The following PVALEF variants were observed in gnomAD, a reference collection of about 807,000 sequenced individuals.
PVALEF encodes parvalbumin-like EF-hand-containing protein.
PVALEF carries 2 observed loss-of-function variants against 1.2 expected under a neutral mutation model. The ratio of observed to expected loss-of-function variants is 1.68; its 90% CI spans 0.69 to 5.28. The LOEUF (loss-of-function observed/expected upper bound fraction) is 5.28. Among genes scored for constraint, PVALEF ranks in the 30% most tolerant of loss-of-function variants. The pLI is 0.06. For synonymous variants in PVALEF, 16 were observed against 6.5 expected (o/e 2.47, Z -2.24); for missense variants, 35 against 17.7 (o/e 1.97, Z -1.75).
intron 3 of PVALEF, among the ~76,000 whole-genome samples, chr17:81,179,822 G>A (rs1000730818): frequency 6.6e-6 from 1 of 152,194 alleles, no homozygotes; most frequent in African/African-American, 2.4e-5. Context: ...GGGGCGGTGT[G>A]TGGTCTGAGG....
chr17:81,178,213 C>T (rs1489582753), intron 2 of PVALEF, among the ~76,000 whole-genome samples: 2 of 152,196 alleles, frequency 1.3e-5, no homozygotes. Flanking sequence ...ACAATACCCT[C>T]CCACCTCCAA....
At chr17:81,172,262 C>A in intron 2 of PVALEF, among the ~76,000 whole-genome samples, 1 of 152,154 alleles carries the variant, frequency 6.6e-6, no homozygotes, top group Non-Finnish European at 1.5e-5. Context: ...TGGGAGCACC[C>A]GGGACAACCC....
At position 81,166,814 on chromosome 17, in the gene PVALEF, C is replaced by G. The variant is rs943677008; in HGVS notation, c.-370C>G. The G allele has an allele frequency of 2.2e-6, 1 of 454,176 alleles. No homozygotes were observed. Among genetic ancestry groups the G allele is most frequent in the African/African-American group, 2.0e-5 (1 of 50,008 alleles). 28.1% of individuals were successfully genotyped at this position (454,176 alleles called of 1,614,324 possible). ...CGACAGCCATGAAGGAAGAACCTGG[C>G]TGAGTCTCCACCTGCCGTGGACTGT... On this transcript the variant is annotated 5_prime_UTR_variant, in exon 2 of 7. Coordinates refer to ENST00000637878, the MANE Select transcript of PVALEF (RefSeq NM_001354639.2).
At chr17:81,172,701 T>A (rs1598248128) in intron 2 of PVALEF, among the ~76,000 whole-genome samples, 1 of 150,528 alleles carries the variant, frequency 6.6e-6, no homozygotes, top group African/African-American at 2.4e-5. Context: ...GAGGTGGAGG[T>A]TGCAGTGAGC....
chr17:81,175,500 A>G (rs2061533598), intron 2 of PVALEF, among the ~76,000 whole-genome samples: 1 of 152,236 alleles, frequency 6.6e-6, no homozygotes, highest in Non-Finnish European at 1.5e-5. Context: ...AAAGAAGAAC[A>G]AAGCTGGAAG....
At position 81,166,682 on chromosome 17, in the gene PVALEF, G is replaced by C. The variant is rs987004105; in HGVS notation, c.-502G>C. The stretch of plus-strand genomic sequence containing the variant: ...GGCCCTCGCCTCACTTGCAGGTTTC[G>C]AGGCGGCTGGCAGCCGCCCCCCCAC... On this transcript the variant is annotated 5_prime_UTR_variant, in exon 2 of 7. Transcript: ENST00000637878. The C allele has an allele frequency of 2.2e-5, 10 of 453,764 alleles. 1 individual carries two copies. The highest frequency in any genetic ancestry group is 9.3e-5 in the South Asian group (6 of 64,416). 28.1% of individuals were successfully genotyped at this position (453,764 alleles called of 1,614,324 possible).
chr17:81,179,117 C>A lies in PVALEF; in HGVS notation c.-140C>A, dbSNP rs2146449827. 2 of 417,900 alleles carry A rather than the reference C, an allele frequency of 4.8e-6. No individual in the cohort carries two copies. The highest frequency in any genetic ancestry group is 1.7e-5 in the South Asian group (1 of 60,012). 25.9% of individuals were successfully genotyped at this position (417,900 alleles called of 1,614,324 possible). A position where few individuals can be genotyped will look rare whatever the true frequency, so the allele number is the denominator to read the frequency against. On this transcript the variant is annotated 5_prime_UTR_variant, in exon 3 of 7. Coordinates refer to ENST00000637878, the MANE Select transcript of PVALEF (RefSeq NM_001354639.2). The stretch of plus-strand genomic sequence containing the variant: ...GGGCCTCTCCACACCCCAGCCTGAC[C>A]CACCTTCCAGAACTCTCGAAAGAAG...
intron 2 of PVALEF, among the ~76,000 whole-genome samples, chr17:81,169,178 G>T (rs1026685949): frequency 1.3e-5 from 2 of 152,214 alleles, no homozygotes; most frequent in African/African-American, 4.8e-5. Context: ...TTCCTGGGGG[G>T]AGGAAACTTC....
chr17:81,180,933 T>A (rs890742563), intron 3 of PVALEF, among the ~76,000 whole-genome samples, 190 bp from the exon 4 acceptor site: 5 of 152,030 alleles, frequency 3.3e-5, no homozygotes, highest in Admixed American at 1.3e-4. Flanking sequence ...CAACCCCCCC[T>A]GGGGACGGCA....
chr17:81,182,097 C>G lies in PVALEF; in HGVS notation c.358+16C>G, dbSNP rs1344496467. On this transcript the variant is annotated intron_variant, in intron 6 of 6. Coordinates refer to ENST00000637878, the MANE Select transcript of PVALEF (RefSeq NM_001354639.2). ...AACTACGAAGGTGGGGGCAGCACAG[C>G]CGGGGCACCCTCAGGACCCTCCTTC... 7.5e-6 allele frequency: 3 copies of G among 398,610 alleles called. No individual in the cohort carries two copies. The Admixed American group carries it at 1.3e-4, about 18-fold the overall frequency. The allele number at this position is 398,610 out of a possible 1,614,324, so 24.7% of individuals were successfully genotyped here. A position where few individuals can be genotyped will look rare whatever the true frequency, so the allele number is the denominator to read the frequency against.
At chr17:81,172,943 G>T (rs777191013) in intron 2 of PVALEF, among the ~76,000 whole-genome samples, 1 of 152,058 alleles carries the variant, frequency 6.6e-6, no homozygotes, top group African/African-American at 2.4e-5. Context: ...AAACCCGCAC[G>T]AAGGAAAACC....
rs112868925 is a variant in PVALEF, at chr17:81,178,363, C to T, written c.-339-555C>T. 8.9e-3 allele frequency among the ~76,000 whole-genome samples: 1,353 copies of T among 152,230 alleles called. 22 individuals carry two copies. The highest frequency in any genetic ancestry group is 0.031 in the African/African-American group (1,292 of 41,500). ...GGCCTGCGGTGCCCAGCATGACCAC[C>T]CCACAGGGGCAGGGCTGTTGGCACC... On this transcript the variant is annotated intron_variant, in intron 2 of 6. Transcript: ENST00000637878.
At chr17:81,169,249 T>C (rs2061509609) in intron 2 of PVALEF, among the ~76,000 whole-genome samples, 1 of 152,212 alleles carries the variant, frequency 6.6e-6, no homozygotes, top group African/African-American at 2.4e-5. Flanking sequence ...CACTAAGCTG[T>C]ACCCTTTAAA....
chr17:81,168,752 C>G (rs1227564824), intron 2 of PVALEF, among the ~76,000 whole-genome samples: 2 of 152,106 alleles, frequency 1.3e-5, no homozygotes, highest in Non-Finnish European at 2.9e-5. Flanking sequence ...CAGCAGGAAG[C>G]CCAGGTGTGG....
At chr17:81,180,815 C>T (rs904744628) in intron 3 of PVALEF, among the ~76,000 whole-genome samples, 3 of 152,134 alleles carry the variant, frequency 2.0e-5, no homozygotes, top group Non-Finnish European at 2.9e-5. Flanking sequence ...GCAGCAAGAG[C>T]GTTCCAGAAG....
chr17:81,170,743 C>T (rs185003878), intron 2 of PVALEF, among the ~76,000 whole-genome samples: 2 of 152,196 alleles, frequency 1.3e-5, no homozygotes, highest in African/African-American at 2.4e-5. Flanking sequence ...ACAGTAGGCA[C>T]TGCAGAGCCC....
At chr17:81,176,513 A>C (rs1159384442) in intron 2 of PVALEF, among the ~76,000 whole-genome samples, 1 of 151,890 alleles carries the variant, frequency 6.6e-6, no homozygotes, top group South Asian at 2.1e-4. Context: ...GCAAATCTCC[A>C]TCTCAAAACA....
At chr17:81,175,225 G>A (rs955007812) in intron 2 of PVALEF, among the ~76,000 whole-genome samples, 2 of 152,162 alleles carry the variant, frequency 1.3e-5, no homozygotes, top group African/African-American at 4.8e-5. Flanking sequence ...CCAAGGAGGT[G>A]AAAGACTTGC....
chr17:81,177,640 A>C (rs962271210), intron 2 of PVALEF, among the ~76,000 whole-genome samples: 1 of 152,150 alleles, frequency 6.6e-6, no homozygotes, highest in African/African-American at 2.4e-5. Flanking sequence ...AAAGAAGAAA[A>C]GCATTAAGGA....
Sources: gnomAD v4.1 joint callset for allele counts (sites outside exome capture counted in the v4.1 genomes callset) on GRCh38, gnomAD v4.1.1 for gene constraint, MANE v1.5 for transcripts, NCBI Gene and HGNC (gene_info 2026-07-23, HGNC 2026-07-21) for gene names.